CCDC158: variants seen among roughly 807,000 people sequenced by gnomAD.
The protein encoded by CCDC158 is coiled-coil domain containing 158, also known as coiled-coil domain-containing protein 158.
CCDC158 carries 116 observed loss-of-function variants against 138.6 expected under a neutral mutation model. That is an observed-to-expected ratio of 0.84 (90% CI 0.72 to 0.98). The LOEUF is 0.98. CCDC158 is among the 50% of genes least tolerant of loss of function. The probability of loss-of-function intolerance (pLI) is 0.00; values close to 1 mark genes in which losing one functional copy is unlikely to be tolerated. For synonymous variants in CCDC158, 436 were observed against 442.4 expected (o/e 0.99, Z 0.18); for missense variants, 1,265 against 1,306.1 (o/e 0.97, Z 0.48).
At chr4:76,344,069 T>C (rs1170369287) in intron 18 of CCDC158, among the ~76,000 whole-genome samples, 1 of 152,186 alleles carries the variant, frequency 6.6e-6, no homozygotes, top group Non-Finnish European at 1.5e-5. Context: ...AAATTGTCTT[T>C]GTTTGCAGAT....
intron 4 of CCDC158, among the ~76,000 whole-genome samples, chr4:76,394,659 A>C (rs750327065): frequency 5.9e-5 from 9 of 152,150 alleles, no homozygotes; most frequent in Non-Finnish European, 1.3e-4. Context: ...ATGAAGTATA[A>C]ATGCTTGAGA....
chr4:76,329,390 T>G (rs925015417), intron 21 of CCDC158, among the ~76,000 whole-genome samples: 1 of 151,906 alleles, frequency 6.6e-6, no homozygotes, highest in Non-Finnish European at 1.5e-5. Context: ...TAGAGACCAT[T>G]TGGCCAACAT....
intron 8 of CCDC158, among the ~76,000 whole-genome samples, chr4:76,380,574 G>A (rs1433744909): frequency 6.6e-6 from 1 of 152,182 alleles, no homozygotes; most frequent in Non-Finnish European, 1.5e-5. Flanking sequence ...CAAAGAGATG[G>A]TGTGAAATTG....
intron 2 of CCDC158, among the ~76,000 whole-genome samples, chr4:76,411,393 C>G (rs1419617228): frequency 1.3e-5 from 2 of 151,942 alleles, no homozygotes; most frequent in East Asian, 3.9e-4. Flanking sequence ...GAGCAAGACT[C>G]CATCTCAAAA....
chr4:76,353,167 G>C lies in CCDC158; in HGVS notation c.2401C>G (p.Arg801Gly). 1 of 1,613,456 alleles carries C rather than the reference G, an allele frequency of 6.2e-7. No individual in the cohort carries two copies. The highest frequency in any genetic ancestry group is 8.5e-7 in the Non-Finnish European group (1 of 1,179,728). ...ATATTAGTAACCTTTTCTTTCAAAC[G>C]GCGTTCCTGAGATCGCAGAACTTCC... is the stretch of plus-strand genomic sequence containing the variant. Reference protein sequence around the residue: ...ELEVLRSQERRLKEKVTNMEV... With the variant: ...ELEVLRSQERGLKEKVTNMEV... Residue 801 changes from arginine to glycine, a missense_variant, in exon 16 of 25, where the codon CGT becomes GGT. Physicochemically the swap from Arg to Gly is moderately radical, Grantham distance 125. Transcript: ENST00000682701.
In CCDC158 at chr4:76,362,219, C is replaced by A; in HGVS notation, c.1927G>T (p.Glu643Ter). ...EKVKLVNAGSERLRAVKDIKQ... is the reference protein window; with the variant it reads ...EKVKLVNAGS ...ATGTCCTTCACTGCACGGAGCCGCTCAGAGCCTGCATTCACCAGCTTCACC... is the reference window on the plus strand; with the variant it reads ...ATGTCCTTCACTGCACGGAGCCGCTAAGAGCCTGCATTCACCAGCTTCACC... Residue 643 changes from glutamate to a stop codon, truncating the protein, a stop_gained, in exon 13 of 25, where the codon GAG (glutamate) becomes TAG (stop). Coordinates refer to ENST00000682701, the MANE Select transcript of CCDC158 (RefSeq NM_001394954.1). LOFTEE classifies it high-confidence loss of function. 1 of 1,614,210 alleles carries A rather than the reference C, an allele frequency of 6.2e-7. No homozygotes were observed. The highest frequency in any genetic ancestry group is 8.5e-7 in the Non-Finnish European group (1 of 1,180,028).
intron 3 of CCDC158, among the ~76,000 whole-genome samples, chr4:76,398,192 T>G (rs913741828): frequency 6.6e-6 from 1 of 152,174 alleles, no homozygotes; most frequent in African/African-American, 2.4e-5. Flanking sequence ...ATGTAACAAT[T>G]GATTTAGGCA....
In CCDC158 at chr4:76,351,724, A is replaced by G. The variant is rs781018971; in HGVS notation, c.2534T>C (p.Ile845Thr). 1 of 1,598,632 alleles carries G rather than the reference A, an allele frequency of 6.3e-7. No individual in the cohort carries two copies. Among genetic ancestry groups the G allele is most frequent in the Non-Finnish European group, 8.6e-7 (1 of 1,166,370 alleles). Residue 845 changes from isoleucine (I) to threonine (T), a missense_variant, in exon 17 of 25, where the codon ATA becomes ACA. By Grantham distance (89) the Ile-to-Thr change is moderately conservative. Coordinates refer to ENST00000682701, the MANE Select transcript of CCDC158 (RefSeq NM_001394954.1). Reference sequence around the variant, plus strand: ...TAATATTTATGATGACCTTACTTTTATATCCAAAGTGTGTTGAAGTTTTAA... The same window carrying G: ...TAATATTTATGATGACCTTACTTTTGTATCCAAAGTGTGTTGAAGTTTTAA... ...VRLKLQHTLD[I>T]KELQGPGYTS...
At chr4:76,313,859 C>T (rs190803539) in intron 24 of CCDC158, among the ~76,000 whole-genome samples, 190 of 152,200 alleles carry the variant, frequency 1.2e-3, no homozygotes, top group Non-Finnish European at 2.1e-3. Context: ...TATAACAAAA[C>T]GTCAATAAGT....
Position 76,367,774 on chromosome 4 carries a change from C to T in CCDC158, c.1350G>A (p.Met450Ile), listed in dbSNP as rs1724835261. 6.3e-7 allele frequency: 1 copy of T among 1,594,128 alleles called. No homozygotes were observed. The change falls in exon 12 of 25, where the codon ATG (methionine) becomes ATA (isoleucine). Residue 450 changes from methionine to isoleucine, a missense_variant and splice_region_variant. Physicochemically the swap from Met to Ile is conservative, Grantham distance 10 (BLOSUM62 1). Transcript: ENST00000682701. ...TTTCATTCTTTCCTTGAATTGCTGC[C>T]ATCTGATTGTTAAAGAAAAGAGAAT... is the stretch of plus-strand genomic sequence containing the variant. ...SECQGQMERQ[M>I]AAIQGKNESL...
rs907892039 is a variant in CCDC158 at position 76,344,015 on chromosome 4, AAAAG to A, written c.2664+6977_2664+6980del. ...GAAGTTCTGGCCAGGGCAATCAGGC[AAAAG>A]AAAGAAATAAAGGATATTCAAATAG... On this transcript the variant is annotated intron_variant, in intron 18 of 24. Coordinates refer to ENST00000682701, the MANE Select transcript of CCDC158 (RefSeq NM_001394954.1). 1.5e-4 allele frequency among the ~76,000 whole-genome samples: 23 copies of A among 152,320 alleles called. 1 individual carries two copies. The highest frequency in any genetic ancestry group is 1.3e-3 in the Admixed American group (20 of 15,290).
At chr4:76,389,880 T>G (rs1727156159) in intron 4 of CCDC158, among the ~76,000 whole-genome samples, 1 of 151,970 alleles carries the variant, frequency 6.6e-6, no homozygotes, top group African/African-American at 2.4e-5. Flanking sequence ...CCTTCAAACA[T>G]GAAGGAAAAA....
intron 18 of CCDC158, among the ~76,000 whole-genome samples, chr4:76,347,925 CTGTT>C (rs1275827949): frequency 7.9e-5 from 12 of 152,054 alleles, no homozygotes; most frequent in Non-Finnish European, 1.6e-4. Flanking sequence ...TTTTCTTACT[CTGTT>C]TGGGTTGTTA....
chr4:76,381,742 C>T (rs542767055), intron 8 of CCDC158, among the ~76,000 whole-genome samples: 51 of 152,168 alleles, frequency 3.4e-4, no homozygotes, highest in East Asian at 1.4e-3. Flanking sequence ...AGTGCAGTGG[C>T]GTGATCTTGG....
chr4:76,357,349 A>C (rs773829636), intron 14 of CCDC158, 25 bp downstream of exon 14: 3 of 1,458,340 alleles, frequency 2.1e-6, no homozygotes, highest in South Asian at 1.6e-5. Context: ...ACAGAAGAAA[A>C]AATTTTAAAT....
intron 15 of CCDC158, among the ~76,000 whole-genome samples, chr4:76,354,551 G>A (rs1000021944): frequency 3.9e-5 from 6 of 152,106 alleles, no homozygotes; most frequent in Non-Finnish European, 8.8e-5. Flanking sequence ...ATATACCAGA[G>A]AATATTTGAG....
chr4:76,362,069 T>C (rs1211850820), intron 13 of CCDC158, 57 bp downstream of exon 13: 6 of 1,459,814 alleles, frequency 4.1e-6, no homozygotes, highest in Non-Finnish European at 5.7e-6. Context: ...AGGGTCTACA[T>C]TGGCTTCACT....
intron 3 of CCDC158, among the ~76,000 whole-genome samples, chr4:76,398,944 C>G (rs1324481564): frequency 6.6e-6 from 1 of 151,820 alleles, no homozygotes. Context: ...GTAAAAATAC[C>G]TAAGACTTTT....
intron 19 of CCDC158, 174 bp downstream of exon 19, chr4:76,333,836 A>C (rs1027435079): frequency 1.7e-5 from 7 of 424,038 alleles, no homozygotes; most frequent in African/African-American, 1.2e-4. Flanking sequence ...TCTTAGTGTC[A>C]AGTTGTTTTA....
Sources: allele counts gnomAD v4.1 joint callset (sites outside exome capture counted in the v4.1 genomes callset), GRCh38; gene constraint gnomAD v4.1.1; transcripts MANE v1.5; gene names NCBI Gene and HGNC (gene_info 2026-07-23, HGNC 2026-07-21).